TARBP1: variants seen among roughly 807,000 people sequenced by gnomAD.
TARBP1 encodes tRNA guanosine 2 -O-methyltransferase TARBP1, also known as tRNA (guanosine(18)-2'-O)-methyltransferase TARBP1.
In TARBP1, 144 loss-of-function variants were observed where a neutral mutation model predicts 178.6. That is an observed-to-expected ratio of 0.81 (90% CI 0.70 to 0.93). The LOEUF (loss-of-function observed/expected upper bound fraction) is 0.93, where lower values mean the gene tolerates loss of function less well. Ranked by LOEUF, TARBP1 falls within the 40% of genes least tolerant of loss-of-function variation. The pLI, the probability that TARBP1 is intolerant of heterozygous loss-of-function variation, is 0.00. For missense variants in TARBP1, 2,067 were observed against 2,011.7 expected (o/e 1.03, Z -0.53); for synonymous variants, 787 against 781.0 (o/e 1.01, Z -0.13).
Position 234,460,355 on chromosome 1 carries a change from G to A in TARBP1, c.1441C>T (p.His481Tyr). 6.2e-7 allele frequency: 1 copy of A among 1,614,158 alleles called. No individual in the cohort carries two copies. The highest frequency in any genetic ancestry group is 8.5e-7 in the Non-Finnish European group (1 of 1,180,010). Residue 481 changes from histidine to tyrosine, a missense_variant, in exon 7 of 30, where the codon CAT (histidine) becomes TAT (tyrosine). Transcript: ENST00000040877. ...AACAAAATGGGAACAGCACACCAATGCCTACTTGTCATCTTCCGAATAAAC... is the reference window on the plus strand; with the variant it reads ...AACAAAATGGGAACAGCACACCAATACCTACTTGTCATCTTCCGAATAAAC... ...LKFIRKMTSR[H>Y]WCAVPILFLS... is the part of the protein sequence containing the mutation.
chr1:234,412,907 G>T (rs991462581), intron 22 of TARBP1, among the ~76,000 whole-genome samples: 3 of 152,152 alleles, frequency 2.0e-5, no homozygotes, highest in Non-Finnish European at 4.4e-5. Context: ...ATGGTCATGT[G>T]ATTTGCTTTG....
rs528126157 is a variant in TARBP1, at chr1:234,429,613, G to T, written c.2674C>A (p.Gln892Lys). ...GKIVAQYIHD[Q>K]WVCLSFLLKK... ...AACAGGAAAGAGAGGCACACCCATT[G>T]ATCATGAATATATTGTGCAACTATT... Residue 892 changes from glutamine to lysine, a missense_variant, in exon 16 of 30, where the codon CAA (glutamine) becomes AAA (lysine). Physicochemically the swap from Gln to Lys is moderately conservative, Grantham distance 53. Transcript: ENST00000040877. The T allele has an allele frequency of 9.6e-5, 155 of 1,613,996 alleles. 1 individual carries two copies. The South Asian group carries it at 1.7e-3, about 18-fold the overall frequency.
In TARBP1 at chr1:234,438,946, A is replaced by C. The variant is rs1665309500; in HGVS notation, c.2135-1574T>G. Among the ~76,000 whole-genome samples, 4 of 152,256 alleles carry C rather than the reference A, an allele frequency of 2.6e-5. No homozygotes were observed. In the South Asian group the frequency reaches 8.3e-4, roughly 31 times the overall value. ...CTGACTACTATGGAGTTCTCACGAGAAACCAGAGGCAAATGGAACAGCATT... is the reference window on the plus strand; with the variant it reads ...CTGACTACTATGGAGTTCTCACGAGCAACCAGAGGCAAATGGAACAGCATT... On this transcript the variant is annotated intron_variant, in intron 12 of 29. Coordinates refer to ENST00000040877, the MANE Select transcript of TARBP1 (RefSeq NM_005646.4).
intron 1 of TARBP1, among the ~76,000 whole-genome samples, chr1:234,473,257 C>T (rs12090745): frequency 0.015 from 2,301 of 152,230 alleles, 65 homozygotes; most frequent in African/African-American, 0.051. Flanking sequence ...CAAAATCCCC[C>T]GGAACCAAAG....
At chr1:234,419,848 T>C (rs1662886058) in intron 21 of TARBP1, among the ~76,000 whole-genome samples, 2 of 151,946 alleles carry the variant, frequency 1.3e-5, no homozygotes, top group African/African-American at 4.8e-5. Context: ...TTATTCCAAA[T>C]TGTTTTATTT....
At position 234,463,844 on chromosome 1, in the gene TARBP1, T is replaced by C. The variant is rs776347896; in HGVS notation, c.1392A>G (p.Glu464=). ...LVTYISLLPE[E]IKSSFLLKFI... is the part of the protein sequence containing the mutation. ...CCCTTTACTGACACATACTCTTTAT[T>C]TCTTCTGGAAGAAGAGAAATATAAG... The change falls in exon 6 of 30, where the codon GAA becomes GAG. Residue 464 remains glutamate (E), a synonymous_variant. Transcript: ENST00000040877. 1 of 1,559,492 alleles carries C rather than the reference T, an allele frequency of 6.4e-7. No homozygotes were observed. Among genetic ancestry groups the C allele is most frequent in the Non-Finnish European group, 8.7e-7 (1 of 1,151,470 alleles).
intron 22 of TARBP1, among the ~76,000 whole-genome samples, chr1:234,417,753 C>T (rs563726418): frequency 6.6e-6 from 1 of 152,266 alleles, no homozygotes; most frequent in Admixed American, 6.5e-5. Flanking sequence ...CAATTAATTC[C>T]TCATCGTTCA....
chr1:234,432,052 G>A (rs12045602), intron 14 of TARBP1, among the ~76,000 whole-genome samples: 38,665 of 150,044 alleles, frequency 0.26, 4,987 homozygotes, highest in Middle Eastern at 0.42. Context: ...CAGGAGAATC[G>A]CTTGAACCTG....
intron 13 of TARBP1, among the ~76,000 whole-genome samples, chr1:234,434,651 T>C (rs534191424): frequency 2.0e-5 from 3 of 152,256 alleles, no homozygotes; most frequent in South Asian, 2.1e-4. Flanking sequence ...CAAGCAACTA[T>C]GGGCGTTAAG....
chr1:234,433,730 G>A (rs952269445), intron 13 of TARBP1, among the ~76,000 whole-genome samples, 159 bp from the exon 14 acceptor site: 1 of 152,132 alleles, frequency 6.6e-6, no homozygotes, highest in African/African-American at 2.4e-5. Flanking sequence ...AACCTCCCAC[G>A]CAGAGCTAAG....
At chr1:234,393,580 G>A (rs1357647695) in intron 27 of TARBP1, 66 bp downstream of exon 27, 3 of 1,579,910 alleles carry the variant, frequency 1.9e-6, no homozygotes, top group Non-Finnish European at 2.6e-6. Flanking sequence ...CGTGGCAGTG[G>A]ATTAATTAAA....
chr1:234,416,419 C>A (rs113740606), intron 22 of TARBP1, among the ~76,000 whole-genome samples: 5,447 of 152,266 alleles, frequency 0.036, 140 homozygotes, highest in South Asian at 0.081. Context: ...GCCTCAGCCT[C>A]CCAAGTAGCT....
chr1:234,453,102 G>A (rs924111952), intron 9 of TARBP1, among the ~76,000 whole-genome samples: 1 of 152,154 alleles, frequency 6.6e-6, no homozygotes, highest in East Asian at 1.9e-4. Context: ...GGGGCAGTGA[G>A]ACTATTCTGT....
At position 234,426,445 on chromosome 1, in the gene TARBP1, C is replaced by T. The variant is rs368539401; in HGVS notation, c.3324-652G>A. 1.1e-4 allele frequency among the ~76,000 whole-genome samples: 16 copies of T among 152,126 alleles called. No homozygotes were observed. In the East Asian group the frequency reaches 2.1e-3, roughly 20 times the overall value. ...GGCAACCACCAACTAGAAAAATTGA[C>T]TTTTATTGCCACACTAAGCCAGCCA... On this transcript the variant is annotated intron_variant, in intron 19 of 29. Coordinates refer to ENST00000040877, the MANE Select transcript of TARBP1 (RefSeq NM_005646.4).
intron 22 of TARBP1, among the ~76,000 whole-genome samples, chr1:234,414,076 C>T (rs764213811): frequency 4.6e-5 from 7 of 152,204 alleles, no homozygotes; most frequent in Non-Finnish European, 8.8e-5. Flanking sequence ...AGGAAAACGT[C>T]TACAGCAAGG....
In TARBP1 at chr1:234,418,163, T is replaced by A; in HGVS notation, c.3626A>T (p.Tyr1209Phe). The A allele has an allele frequency of 1.3e-6, 2 of 1,549,892 alleles. No homozygotes were observed. The highest frequency in any genetic ancestry group is 1.7e-6 in the Non-Finnish European group (2 of 1,157,712). Residue 1209 changes from tyrosine to phenylalanine, a missense_variant, in exon 22 of 30, where the codon TAT becomes TTT. Tyr to Phe is a conservative substitution (Grantham distance 22, BLOSUM62 3). Transcript: ENST00000040877. Reference protein sequence around the residue: ...GFTNNQASIKYFIEWIIILIL... With the variant: ...GFTNNQASIKFFIEWIIILIL... ...CAATATAATAATCCATTCTATAAAA[T>A]ATTTTATGGATGCTTGATTGTTGGT...
rs36066908 is a variant in TARBP1 at position 234,447,394 on chromosome 1, C to CTTTT, written c.1962-423_1962-420dup. 3.8e-5 allele frequency among the ~76,000 whole-genome samples: 4 copies of CTTTT among 104,620 alleles called. 1 individual carries two copies. The highest frequency in any genetic ancestry group is 1.5e-4 in the African/African-American group (4 of 26,876). 68.6% of individuals were successfully genotyped at this position (104,620 alleles called of 152,430 possible). On this transcript the variant is annotated intron_variant, in intron 11 of 29. Coordinates refer to ENST00000040877, the MANE Select transcript of TARBP1 (RefSeq NM_005646.4). ...GGATTTATTAAAAACTGTTAACCAA[C>CTTTT]TTTTTTTTTTTTTTTTTTGAGATGG...
At chr1:234,424,834 G>A (rs895264264) in intron 20 of TARBP1, among the ~76,000 whole-genome samples, 14 of 152,080 alleles carry the variant, frequency 9.2e-5, no homozygotes, top group Admixed American at 8.5e-4. Context: ...GGCCAAGGAG[G>A]GTGGATTACC....
chr1:234,447,059 T>A, intron 11 of TARBP1, 84 bp from the exon 12 acceptor site: 1 of 1,429,024 alleles, frequency 7.0e-7, no homozygotes, highest in South Asian at 1.2e-5. Flanking sequence ...TGAAAACTGG[T>A]TAGCTAATGG....
Sources: allele counts gnomAD v4.1 joint callset (sites outside exome capture counted in the v4.1 genomes callset), GRCh38; gene constraint gnomAD v4.1.1; transcripts MANE v1.5; gene names NCBI Gene and HGNC (gene_info 2026-07-23, HGNC 2026-07-21).